VPS13D: variants seen among roughly 807,000 people sequenced by gnomAD.
The protein encoded by VPS13D is vacuolar protein sorting 13 homolog D.
Under a neutral mutation model 461.9 loss-of-function variants are expected in VPS13D, and 187 were observed. That is an observed-to-expected ratio of 0.40 (90% CI 0.36 to 0.46). VPS13D has a LOEUF of 0.46. VPS13D is among the 20% of genes least tolerant of loss of function. The probability of loss-of-function intolerance (pLI) is 0.60; values close to 1 mark genes in which losing one functional copy is unlikely to be tolerated. For missense variants in VPS13D, 4,711 were observed against 5,364.9 expected, an observed-to-expected ratio of 0.88 and a Z score of 3.81; for synonymous variants, 1,951 against 1,986.3, an observed-to-expected ratio of 0.98 and a Z score of 0.47.
chr1:12,245,200 A>G (rs1640508637), intron 5 of VPS13D, among the ~76,000 whole-genome samples: 1 of 152,164 alleles, frequency 6.6e-6, no homozygotes, highest in African/African-American at 2.4e-5. Context: ...TTCATCCTCA[A>G]AAACTTGATC....
rs1288003707 is a variant in VPS13D at position 12,268,815 on chromosome 1, C to T, written c.1911C>T (p.Tyr637=). The T allele has an allele frequency of 1.9e-6, 3 of 1,613,950 alleles. No individual in the cohort carries two copies. The highest frequency in any genetic ancestry group is 2.7e-5 in the African/African-American group (2 of 74,908). The change falls in exon 16 of 70, where the codon TAC becomes TAT. Residue 637 remains tyrosine (Y), a synonymous_variant. Transcript: ENST00000620676. ...NVSTRPLNII[Y]NPQAIKKVAD... Reference sequence around the variant, plus strand: ...GCACAAGGCCCTTGAACATCATATACAATCCGCAGGCCATTAAAAAAGTAG... The same window carrying T: ...GCACAAGGCCCTTGAACATCATATATAATCCGCAGGCCATTAAAAAAGTAG...
At position 12,433,917 on chromosome 1, in the gene VPS13D, G is replaced by T. The variant is rs989307153; in HGVS notation, c.12333+17090G>T. Among the ~76,000 whole-genome samples, 6 of 143,238 alleles carry T rather than the reference G, an allele frequency of 4.2e-5. No individual in the cohort carries two copies. The Admixed American group carries it at 4.8e-4, about 11-fold the overall frequency. The allele number at this position is 143,238 out of a possible 152,430, so 94.0% of individuals were successfully genotyped here. ...ACAAAGAGGAGGAGGTAGGGGGTGG[G>T]GAGAGAGAGAGAGTGAGAGAGAGAG... On this transcript the variant is annotated intron_variant, in intron 65 of 69. Transcript: ENST00000620676.
chr1:12,341,697 T>C, intron 40 of VPS13D, 83 bp from the exon 41 acceptor site: 1 of 1,232,460 alleles, frequency 8.1e-7, no homozygotes, highest in Non-Finnish European at 1.2e-6. Flanking sequence ...AGAGACAAAT[T>C]TGGGCACTGT....
chr1:12,501,839 A>C (rs538913439), intron 68 of VPS13D, among the ~76,000 whole-genome samples: 1 of 152,380 alleles, frequency 6.6e-6, no homozygotes, highest in East Asian at 1.9e-4. Flanking sequence ...AAGGCTTCAC[A>C]GAGAAGGCGC....
chr1:12,410,805 A>C (rs1220597724), intron 63 of VPS13D, among the ~76,000 whole-genome samples: 1 of 152,258 alleles, frequency 6.6e-6, no homozygotes, highest in East Asian at 1.9e-4. Context: ...CCTGGAATGC[A>C]CATTCAGTTT....
intron 60 of VPS13D, among the ~76,000 whole-genome samples, chr1:12,395,736 G>C (rs192130568): frequency 0.019 from 2,862 of 151,844 alleles, 108 homozygotes; most frequent in Admixed American, 0.098. Context: ...TCTCATGAGC[G>C]GTGAATCAGG....
intron 63 of VPS13D, among the ~76,000 whole-genome samples, chr1:12,406,553 A>G (rs1464836853): frequency 1.3e-5 from 2 of 152,212 alleles, no homozygotes; most frequent in Non-Finnish European, 1.5e-5. Context: ...GTTGCCAGAT[A>G]TAGTGTCTGT....
chr1:12,243,144 G>A (rs553358184), intron 3 of VPS13D, among the ~76,000 whole-genome samples: 1 of 152,068 alleles, frequency 6.6e-6, no homozygotes, highest in African/African-American at 2.4e-5. Context: ...TAGTAGAGAC[G>A]AGGTTTCGCC....
intron 42 of VPS13D, among the ~76,000 whole-genome samples, chr1:12,343,562 A>T (rs897554930): frequency 6.6e-6 from 1 of 151,276 alleles, no homozygotes; most frequent in Non-Finnish European, 1.5e-5. Flanking sequence ...TTTTGTAGAG[A>T]TGAGGTCTCA....
rs151215869 is a variant in VPS13D at position 12,501,266 on chromosome 1, C to T, written c.12794+3635C>T. The stretch of plus-strand genomic sequence containing the variant: ...TTCTAATAGCATATCATTATAAATA[C>T]AAACCTTATAGTAACATATGTAGTC... On this transcript the variant is annotated intron_variant, in intron 68 of 69. Coordinates refer to ENST00000620676, the MANE Select transcript of VPS13D (RefSeq NM_015378.4). Among the ~76,000 whole-genome samples, 310 of 152,196 alleles carry T rather than the reference C, an allele frequency of 2.0e-3. 1 individual carries two copies. Among genetic ancestry groups the T allele is most frequent in the African/African-American group, 7.2e-3 (297 of 41,512 alleles).
At chr1:12,280,678 G>A (rs1569788661) in intron 20 of VPS13D, among the ~76,000 whole-genome samples, 1 of 151,716 alleles carries the variant, frequency 6.6e-6, no homozygotes, top group Non-Finnish European at 1.5e-5. Flanking sequence ...TAGTAGAGAC[G>A]GGGTTTCACC....
In VPS13D at chr1:12,369,564, C is replaced by T. The variant is rs544749958; in HGVS notation, c.10670C>T (p.Thr3557Ile). 7 of 1,614,222 alleles carry T rather than the reference C, an allele frequency of 4.3e-6. No homozygotes were observed. The highest frequency in any genetic ancestry group is 4.0e-5 in the African/African-American group (3 of 75,058). Residue 3557 changes from threonine to isoleucine, a missense_variant, in exon 54 of 70, where the codon ACC becomes ATC. Coordinates refer to ENST00000620676, the MANE Select transcript of VPS13D (RefSeq NM_015378.4). ...TTGGATTATGCCTGGGACGAACCCA[C>T]CTTGCCACCTTTTATCACTCTGACT... is the stretch of plus-strand genomic sequence containing the variant. ...TSLDYAWDEP[T>I]LPPFITLTVK...
At chr1:12,412,538 C>T (rs1021569636) in intron 63 of VPS13D, among the ~76,000 whole-genome samples, 8 of 152,170 alleles carry the variant, frequency 5.3e-5, no homozygotes, top group Non-Finnish European at 8.8e-5. Context: ...TTATGCCATA[C>T]TGCGGTAGTG....
chr1:12,444,352 A>G (rs1197806061), intron 65 of VPS13D, among the ~76,000 whole-genome samples: 1 of 152,128 alleles, frequency 6.6e-6, no homozygotes, highest in East Asian at 1.9e-4. Context: ...TATTAATAAT[A>G]TGCCTCGATA....
intron 33 of VPS13D, 56 bp downstream of exon 33, chr1:12,322,020 C>A: frequency 1.3e-6 from 2 of 1,581,562 alleles, no homozygotes; most frequent in Non-Finnish European, 1.7e-6. Context: ...CTGTCCTATG[C>A]AGGCACTCTT....
At chr1:12,330,185 A>G (rs1569925137) in intron 37 of VPS13D, among the ~76,000 whole-genome samples, 1 of 152,110 alleles carries the variant, frequency 6.6e-6, no homozygotes, top group African/African-American at 2.4e-5. Context: ...GAGGCTGAGG[A>G]GGGCGGATCA....
At chr1:12,403,759 G>A (rs1644611383) in intron 62 of VPS13D, 66 bp from the exon 63 acceptor site, 8 of 1,446,062 alleles carry the variant, frequency 5.5e-6, no homozygotes, top group Non-Finnish European at 7.4e-6. Flanking sequence ...TGAATACAAA[G>A]TGGATTCTGT....
intron 50 of VPS13D, 104 bp from the exon 51 acceptor site, chr1:12,362,616 T>C: frequency 8.7e-7 from 1 of 1,155,550 alleles, no homozygotes; most frequent in Non-Finnish European, 1.2e-6. Context: ...ATACAGTTAT[T>C]TTCTCAGAGA....
intron 67 of VPS13D, among the ~76,000 whole-genome samples, chr1:12,491,890 C>G (rs1164498566): frequency 6.6e-6 from 1 of 152,244 alleles, no homozygotes; most frequent in East Asian, 1.9e-4. Context: ...ACATGGCCGA[C>G]AAGCTCCAGC....
Sources: allele counts gnomAD v4.1 joint callset (sites outside exome capture counted in the v4.1 genomes callset), GRCh38; gene constraint gnomAD v4.1.1; transcripts MANE v1.5; gene names NCBI Gene and HGNC (gene_info 2026-07-23, HGNC 2026-07-21).